OSBPL1A: variants seen among roughly 807,000 people sequenced by gnomAD.
The protein encoded by OSBPL1A is oxysterol-binding protein-related protein 1.
In OSBPL1A, 80 loss-of-function variants were observed where a neutral mutation model predicts 137.1. The observed-to-expected ratio is 0.58, with a 90% CI of 0.49 to 0.70. OSBPL1A has a LOEUF of 0.70. OSBPL1A is among the 30% of genes least tolerant of loss of function. OSBPL1A has a pLI of 0.00. For missense variants in OSBPL1A, 970 were observed against 1,129.4 expected (o/e 0.86, Z 2.02); for synonymous variants, 365 against 389.7 (o/e 0.94, Z 0.75).
At chr18:24,221,867 C>T (rs1045590887) in intron 17 of OSBPL1A, among the ~76,000 whole-genome samples, 2 of 152,054 alleles carry the variant, frequency 1.3e-5, no homozygotes, top group Non-Finnish European at 2.9e-5. Context: ...TAAATATCTT[C>T]TCCCTCAGTT....
At chr18:24,272,572 G>A (rs2089749559) in intron 15 of OSBPL1A, among the ~76,000 whole-genome samples, 2 of 152,162 alleles carry the variant, frequency 1.3e-5, no homozygotes, top group African/African-American at 4.8e-5. Context: ...TAAGTGGGAT[G>A]TTCAGGTTAA....
At chr18:24,166,830 TC>T in intron 25 of OSBPL1A, 128 bp from the exon 26 acceptor site, 2 of 955,806 alleles carry the variant, frequency 2.1e-6, no homozygotes, top group Non-Finnish European at 3.0e-6. Context: ...GGTCAGTCTT[TC>T]TCAGATCACA....
intron 17 of OSBPL1A, among the ~76,000 whole-genome samples, chr18:24,201,447 C>T (rs909266836): frequency 5.9e-5 from 9 of 152,124 alleles, no homozygotes; most frequent in African/African-American, 1.9e-4. Flanking sequence ...AATCTTTAAA[C>T]GTTATTTGGA....
intron 7 of OSBPL1A, among the ~76,000 whole-genome samples, chr18:24,330,820 G>A (rs2091063198): frequency 6.6e-6 from 1 of 151,590 alleles, no homozygotes; most frequent in African/African-American, 2.4e-5. Context: ...TTTTGAGACA[G>A]AGTCTCACTC....
At chr18:24,286,834 G>A (rs967148953) in intron 14 of OSBPL1A, among the ~76,000 whole-genome samples, 4 of 152,146 alleles carry the variant, frequency 2.6e-5, no homozygotes, top group African/African-American at 9.7e-5. Flanking sequence ...TGGCAGCCAC[G>A]TGGCAGGCAC....
chr18:24,257,967 G>A (rs1218424829), intron 15 of OSBPL1A, among the ~76,000 whole-genome samples: 1 of 152,180 alleles, frequency 6.6e-6, no homozygotes, highest in African/African-American at 2.4e-5. Flanking sequence ...CAAAAGACAG[G>A]CAGTAACAAA....
chr18:24,237,852 T>C lies in OSBPL1A; in HGVS notation c.1444+1368A>G, dbSNP rs113920228. On this transcript the variant is annotated intron_variant, in intron 16 of 27. Transcript: ENST00000319481. ...AATACTTCCCTTGCCTTGTCACTCA[T>C]TCCATCGATCTCAAATCCTACCTTC... Among the ~76,000 whole-genome samples the C allele has an allele frequency of 3.2e-3, 490 of 152,270 alleles. 2 individuals carry two copies. The highest frequency in any genetic ancestry group is 0.012 in the African/African-American group (478 of 41,562).
intron 16 of OSBPL1A, among the ~76,000 whole-genome samples, chr18:24,232,185 C>G (rs1253154398): frequency 3.9e-5 from 6 of 152,120 alleles, no homozygotes; most frequent in Non-Finnish European, 8.8e-5. Context: ...AGAAATAGCA[C>G]AGTAAATATG....
At chr18:24,210,881 T>G (rs2145967319) in intron 17 of OSBPL1A, among the ~76,000 whole-genome samples, 1 of 152,326 alleles carries the variant, frequency 6.6e-6, no homozygotes, top group Non-Finnish European at 1.5e-5. Flanking sequence ...TTTATCAAAT[T>G]TTTAAAAAGC....
intron 4 of OSBPL1A, among the ~76,000 whole-genome samples, chr18:24,342,867 T>C (rs888881635): frequency 6.6e-6 from 1 of 152,100 alleles, no homozygotes; most frequent in East Asian, 1.9e-4. Context: ...TTGAGTATTA[T>C]TATATAAAAT....
chr18:24,253,875 C>T (rs1405164951), intron 15 of OSBPL1A, among the ~76,000 whole-genome samples: 1 of 152,178 alleles, frequency 6.6e-6, no homozygotes, highest in Non-Finnish European at 1.5e-5. Context: ...GAGCCAGAGG[C>T]TGCATGACCC....
chr18:24,168,103 T>C (rs2086187203), intron 24 of OSBPL1A, among the ~76,000 whole-genome samples: 1 of 152,224 alleles, frequency 6.6e-6, no homozygotes, highest in Non-Finnish European at 1.5e-5. Context: ...TTTGAGTATT[T>C]ATTTTTAATA....
At chr18:24,355,213 A>G (rs1268611717) in intron 4 of OSBPL1A, among the ~76,000 whole-genome samples, 3 of 151,838 alleles carry the variant, frequency 2.0e-5, no homozygotes, top group African/African-American at 7.3e-5. Context: ...ACTACAGCCA[A>G]TCTAGCATGC....
chr18:24,378,947 T>C lies in OSBPL1A; in HGVS notation c.-2-1412A>G, dbSNP rs372750260. On this transcript the variant is annotated intron_variant, in intron 1 of 27. Coordinates refer to ENST00000319481, the MANE Select transcript of OSBPL1A (RefSeq NM_080597.4). ...CAATCAACTTTCTAGCTCCCCACTC[T>C]TAAACATGAAAGACAAAGACCAAAA... 2.0e-5 allele frequency among the ~76,000 whole-genome samples: 3 copies of C among 152,144 alleles called. No homozygotes were observed. In the East Asian group the frequency reaches 5.8e-4, roughly 29 times the overall value.
At position 24,348,826 on chromosome 18, in the gene OSBPL1A, T is replaced by C. The variant is rs928836060; in HGVS notation, c.283-7168A>G. On this transcript the variant is annotated intron_variant, in intron 4 of 27. Transcript: ENST00000319481. ...AAAAGGTAAAAGATACACCACAGTC[T>C]ACTATACAAACTGAACAAAGTTCAC... is the stretch of plus-strand genomic sequence containing the variant. Among the ~76,000 whole-genome samples, 4 of 151,976 alleles carry C rather than the reference T, an allele frequency of 2.6e-5. No individual in the cohort carries two copies. In the South Asian group the frequency reaches 6.3e-4, roughly 24 times the overall value.
chr18:24,282,173 C>T (rs1301328043), intron 14 of OSBPL1A, among the ~76,000 whole-genome samples: 1 of 148,722 alleles, frequency 6.7e-6, no homozygotes, highest in Non-Finnish European at 1.5e-5. Flanking sequence ...ACAAGAATCA[C>T]CAAGACAAAA....
chr18:24,275,803 C>T (rs1458574019), intron 15 of OSBPL1A, among the ~76,000 whole-genome samples: 4 of 151,662 alleles, frequency 2.6e-5, no homozygotes, highest in Non-Finnish European at 5.9e-5. Context: ...ATCTCGCTTA[C>T]TGCAATCTCT....
At chr18:24,260,178 GA>G (rs1355252082) in intron 15 of OSBPL1A, among the ~76,000 whole-genome samples, 12 of 152,224 alleles carry the variant, frequency 7.9e-5, no homozygotes, top group African/African-American at 2.9e-4. Flanking sequence ...TAAGTGTTCA[GA>G]AGAATGTGGG....
Position 24,162,417 on chromosome 18 carries a change from G to A in OSBPL1A, c.*762C>T, listed in dbSNP as rs540947767. On this transcript the variant is annotated 3_prime_UTR_variant, in exon 28 of 28. Coordinates refer to ENST00000319481, the MANE Select transcript of OSBPL1A (RefSeq NM_080597.4). The stretch of plus-strand genomic sequence containing the variant: ...ACAAGGTTTGTCATTATGTAATGGT[G>A]ATTAAAATCTATATTTCTAGGGCAT... 1 of 152,314 alleles carries A rather than the reference G, an allele frequency of 6.6e-6. No individual in the cohort carries two copies. Among genetic ancestry groups the A allele is most frequent in the Admixed American group, 6.5e-5 (1 of 15,308 alleles). 9.4% of individuals were successfully genotyped at this position (152,314 alleles called of 1,614,324 possible). A position where few individuals can be genotyped will look rare whatever the true frequency, so the allele number is the denominator to read the frequency against.
Sources: gnomAD v4.1 joint callset for allele counts (sites outside exome capture counted in the v4.1 genomes callset) on GRCh38, gnomAD v4.1.1 for gene constraint, MANE v1.5 for transcripts, NCBI Gene and HGNC (gene_info 2026-07-23, HGNC 2026-07-21) for gene names.